Variants in SPTLC1 observed in about 807,000 individuals in gnomAD.
The protein encoded by SPTLC1 is serine palmitoyltransferase long chain base subunit 1, also known as serine palmitoyltransferase 1.
Under a neutral mutation model 68.9 loss-of-function variants are expected in SPTLC1, and 55 were observed. The ratio of observed to expected loss-of-function variants is 0.80; its 90% confidence interval spans 0.64 to 1.00. SPTLC1 has a LOEUF of 1.00. Among genes scored for constraint, SPTLC1 ranks in the 50% least tolerant of loss-of-function variants. SPTLC1 has a pLI of 0.00. For missense variants in SPTLC1, 449 were observed against 573.1 expected (o/e 0.78, Z 2.21); for synonymous variants, 197 against 201.6 (o/e 0.98, Z 0.19).
At position 92,062,872 on chromosome 9, in the gene SPTLC1, CTAAAG is replaced by C. The variant is rs1834153332; in HGVS notation, c.561-3569_561-3565del. On this transcript the variant is annotated intron_variant, in intron 6 of 14. Transcript: ENST00000262554. ...ACACATCAAAATTTGTGAGACACAA[CTAAAG>C]TAGTGTTGAGAGGGCAATTCATTGC... Among the ~76,000 whole-genome samples, 3 of 152,118 alleles carry C rather than the reference CTAAAG, an allele frequency of 2.0e-5. No individual in the cohort carries two copies. The South Asian group carries it at 6.2e-4, about 32-fold the overall frequency.
At chr9:92,090,725 GA>G (rs928169710) in intron 3 of SPTLC1, among the ~76,000 whole-genome samples, 17 of 147,284 alleles carry the variant, frequency 1.2e-4, no homozygotes, top group African/African-American at 3.5e-4. Context: ...AAAGGCAAGG[GA>G]AAAAAAAAAG....
rs753654113 is a variant in SPTLC1 at position 92,115,354 on chromosome 9, T to C, written c.17A>G (p.Glu6Gly). The C allele has an allele frequency of 6.2e-7, 1 of 1,612,890 alleles. No individual in the cohort carries two copies. Among genetic ancestry groups the C allele is most frequent in the Non-Finnish European group, 8.5e-7 (1 of 1,179,966 alleles). ...TACCATCTCCACCAGAACCCACTGC[T>C]CCGTGGCGGTCGCCATAGTTAGCCG... is the stretch of plus-strand genomic sequence containing the variant. MATAT[E>G]QWVLVEMVQA... is the part of the protein sequence containing the mutation. The change falls in exon 1 of 15, where the codon GAG becomes GGG. Residue 6 changes from glutamate (E) to glycine (G), a missense_variant. Transcript: ENST00000262554.
intron 3 of SPTLC1, among the ~76,000 whole-genome samples, chr9:92,092,350 A>T (rs997823746): frequency 7.9e-5 from 12 of 152,208 alleles, no homozygotes; most frequent in Admixed American, 1.3e-4. Context: ...CTGAGAAGAC[A>T]AAAACTCAAG....
At chr9:92,115,092 A>G (rs1008519109) in intron 1 of SPTLC1, 2 of 595,016 alleles carry the variant, frequency 3.4e-6, no homozygotes, top group Non-Finnish European at 6.0e-6. Context: ...GAGCATAAGA[A>G]TTCAAACCGA....
At chr9:92,034,665 C>A (rs55946436) in intron 14 of SPTLC1, 145 bp downstream of exon 14, 23,860 of 707,604 alleles carry the variant, frequency 0.034, 556 homozygotes, top group Non-Finnish European at 0.042. Flanking sequence ...AGTTTAAGAG[C>A]AGAAGACAGG....
intron 12 of SPTLC1, among the ~76,000 whole-genome samples, chr9:92,045,550 A>C (rs1417909629): frequency 4.9e-5 from 7 of 142,960 alleles, no homozygotes; most frequent in Admixed American, 2.7e-4. Flanking sequence ...AAAAAAAAAA[A>C]AACACTGATA....
chr9:92,093,266 AG>A (rs1385886253), intron 3 of SPTLC1, among the ~76,000 whole-genome samples: 2 of 152,254 alleles, frequency 1.3e-5, no homozygotes, highest in Non-Finnish European at 2.9e-5. Context: ...TAAAACTCTT[AG>A]AAAACTAGAT....
At chr9:92,114,343 G>A (rs866387680) in intron 1 of SPTLC1, among the ~76,000 whole-genome samples, 1 of 152,294 alleles carries the variant, frequency 6.6e-6, no homozygotes, top group East Asian at 1.9e-4. Flanking sequence ...GGGACTCTCA[G>A]TTATTAAATG....
chr9:92,104,280 C>G (rs371729029), intron 3 of SPTLC1: 1 of 1,362,704 alleles, frequency 7.3e-7, no homozygotes. Context: ...CTCGTCTTGT[C>G]CGTGAGGCCT....
Position 92,108,750 on chromosome 9 carries a change from T to C in SPTLC1, c.250A>G (p.Ile84Val), listed in dbSNP as rs375552986. Residue 84 changes from isoleucine (I) to valine (V), a missense_variant, in exon 3 of 15, where the codon ATC becomes GTC. Physicochemically the swap from Ile to Val is conservative, Grantham distance 29. Transcript: ENST00000262554. ...GCAAAATCAATTTACCCTGAAACGATGTTGTAGTTGAGAGCAGGATGGTCT... is the reference window on the plus strand; with the variant it reads ...GCAAAATCAATTTACCCTGAAACGACGTTGTAGTTGAGAGCAGGATGGTCT... ...PKDHPALNYNIVSGPPSHKTV... is the reference protein window; with the variant it reads ...PKDHPALNYNVVSGPPSHKTV... The C allele has an allele frequency of 2.2e-5, 35 of 1,605,566 alleles. 1 individual carries two copies. Among genetic ancestry groups the C allele is most frequent in the South Asian group, 1.7e-4 (15 of 90,206 alleles).
chr9:92,060,845 G>A (rs58909848), intron 6 of SPTLC1, among the ~76,000 whole-genome samples: 13,283 of 150,832 alleles, frequency 0.088, 1,066 homozygotes, highest in East Asian at 0.27. Context: ...CCCGAGAGGC[G>A]GAGCTTGCAG....
chr9:92,089,775 A>C (rs1835288590), intron 3 of SPTLC1, among the ~76,000 whole-genome samples: 1 of 152,240 alleles, frequency 6.6e-6, no homozygotes, highest in Non-Finnish European at 1.5e-5. Context: ...AAGTAGGATA[A>C]ATATGAATAA....
intron 6 of SPTLC1, among the ~76,000 whole-genome samples, chr9:92,065,405 T>C (rs950703952): frequency 2.0e-5 from 3 of 152,130 alleles, no homozygotes; most frequent in African/African-American, 7.2e-5. Flanking sequence ...ACATTTCAGG[T>C]AGAGTATTTA....
At chr9:92,108,948 G>A (rs1587620504) in intron 2 of SPTLC1, 114 bp from the exon 3 acceptor site, 7 of 1,499,368 alleles carry the variant, frequency 4.7e-6, no homozygotes, top group South Asian at 1.2e-5. Context: ...TCTCAAGTTC[G>A]CTGTCACTCT....
chr9:92,094,957 A>G (rs901870992), intron 3 of SPTLC1, among the ~76,000 whole-genome samples: 2 of 152,248 alleles, frequency 1.3e-5, no homozygotes, highest in Non-Finnish European at 1.5e-5. Context: ...AGTGACTCTC[A>G]GCAGCTTTAA....
rs370414462 is a variant in SPTLC1 at position 92,047,225 on chromosome 9, G to A, written c.1028C>T (p.Pro343Leu). 6 of 1,613,988 alleles carry A rather than the reference G, an allele frequency of 3.7e-6. No individual in the cohort carries two copies. In the African/African-American group the frequency reaches 8.0e-5, roughly 22 times the overall value. The change falls in exon 11 of 15, where the codon CCC becomes CTC. Residue 343 changes from proline to leucine, a missense_variant. By Grantham distance (98) the Pro-to-Leu change is moderately conservative. This residue lies in a region of SPTLC1 where 391 missense variants were observed against 472.1 expected (regional missense o/e 0.83). Coordinates refer to ENST00000262554, the MANE Select transcript of SPTLC1 (RefSeq NM_006415.4). ...QGYCFSASLPPLLAAAAIEAL... is the reference protein window; with the variant it reads ...QGYCFSASLPLLLAAAAIEAL... Reference sequence around the variant, plus strand: ...CTCAATTGCTGCAGCAGCTAACAGGGGAGGTAACGAAGCTGAAAAGCAGTA... The same window carrying A: ...CTCAATTGCTGCAGCAGCTAACAGGAGAGGTAACGAAGCTGAAAAGCAGTA...
intron 5 of SPTLC1, chr9:92,078,934 T>G: frequency 1.9e-6 from 1 of 539,248 alleles, no homozygotes; most frequent in Non-Finnish European, 2.4e-6. Flanking sequence ...AACTTAACTG[T>G]TAAAGTAAAA....
intron 5 of SPTLC1, among the ~76,000 whole-genome samples, chr9:92,078,510 T>C (rs576260132): frequency 3.9e-5 from 6 of 152,338 alleles, no homozygotes; most frequent in South Asian, 2.1e-4. Flanking sequence ...CCAGGCTGAA[T>C]TGCAGTGGTG....
In SPTLC1 at chr9:92,112,833, C is replaced by T. The variant is rs1049475559; in HGVS notation, c.58-271G>A. The stretch of plus-strand genomic sequence containing the variant: ...TTAAAAAAATAAAATCTAGGCCAGG[C>T]GTGGTGGCTCATACTTGTAATCCCA... On this transcript the variant is annotated intron_variant, in intron 1 of 14. Coordinates refer to ENST00000262554, the MANE Select transcript of SPTLC1 (RefSeq NM_006415.4). Among the ~76,000 whole-genome samples the T allele has an allele frequency of 5.9e-5, 9 of 152,144 alleles. No individual in the cohort carries two copies. The East Asian group carries it at 1.2e-3, about 19-fold the overall frequency.
Sources: gnomAD v4.1 joint callset for allele counts (sites outside exome capture counted in the v4.1 genomes callset) on GRCh38, gnomAD v4.1.1 for gene constraint, gnomAD v4.1.1 regional missense constraint, MANE v1.5 for transcripts, NCBI Gene and HGNC (gene_info 2026-07-23, HGNC 2026-07-21) for gene names.